ZNF503: variants seen among roughly 807,000 people sequenced by gnomAD.
ZNF503 encodes the protein NocA-like zinc finger 2.
ZNF503 carries 15 observed loss-of-function variants against 34.4 expected under a neutral mutation model. That is an observed-to-expected ratio of 0.44 (90% CI 0.29 to 0.67). The LOEUF is 0.67. Ranked by LOEUF, ZNF503 falls within the 30% of genes least tolerant of loss-of-function variation. ZNF503 has a pLI of 0.13. For synonymous variants in ZNF503, 580 were observed against 456.8 expected (o/e 1.27, Z -3.44); for missense variants, 1,007 against 926.8 (o/e 1.09, Z -1.12).
At chr10:75,318,159 A>G in the ZNF503 span, among the ~76,000 whole-genome samples, 1 of 152,214 alleles carries the variant, frequency 6.6e-6, no homozygotes, top group African/African-American at 2.4e-5. Context: ...CAATGTGTAC[A>G]TATATCAAAA....
At chr10:75,315,463 G>C in the ZNF503 span, among the ~76,000 whole-genome samples, 821 of 152,320 alleles carry the variant, frequency 5.4e-3, 10 homozygotes, top group African/African-American at 0.019. Context: ...ATAGGGGTTG[G>C]AAGTAAAGTG....
At chr10:75,361,243 T>C in the ZNF503 span, 1 of 152,220 alleles carries the variant, frequency 6.6e-6, no homozygotes, top group African/African-American at 2.4e-5. Flanking sequence ...CTCTTAGTGT[T>C]GTTTTAAAAT....
the ZNF503 span, among the ~76,000 whole-genome samples, chr10:75,379,082 A>G: frequency 8.5e-5 from 13 of 152,286 alleles, no homozygotes; most frequent in East Asian, 2.3e-3. Flanking sequence ...CGTTCCTATT[A>G]ATAAAGTCTG....
At chr10:75,372,097 A>T in the ZNF503 span, among the ~76,000 whole-genome samples, 4 of 152,090 alleles carry the variant, frequency 2.6e-5, no homozygotes, top group Admixed American at 6.5e-5. Flanking sequence ...CTGCCCAGCT[A>T]ATTTTTGTAG....
chr10:75,309,560 A>G, the ZNF503 span, among the ~76,000 whole-genome samples: 37 of 152,328 alleles, frequency 2.4e-4, no homozygotes, highest in African/African-American at 7.9e-4. Context: ...AACATTTTTT[A>G]GCAATAAAGT....
chr10:75,297,122 T>A, the ZNF503 span, among the ~76,000 whole-genome samples: 1 of 152,152 alleles, frequency 6.6e-6, no homozygotes, highest in African/African-American at 2.4e-5. Flanking sequence ...TGTGATTTTA[T>A]CTGTGTTTAT....
the ZNF503 span, among the ~76,000 whole-genome samples, chr10:75,285,021 C>T: frequency 6.6e-6 from 1 of 152,192 alleles, no homozygotes; most frequent in Admixed American, 6.5e-5. Context: ...AGTCCAATGA[C>T]CCATTACTAC....
the ZNF503 span, among the ~76,000 whole-genome samples, chr10:75,311,081 A>T: frequency 6.6e-6 from 1 of 152,206 alleles, no homozygotes; most frequent in African/African-American, 2.4e-5. Context: ...TCACACAATC[A>T]GAAGGTGAGA....
chr10:75,304,138 A>G, the ZNF503 span, among the ~76,000 whole-genome samples: 1 of 152,152 alleles, frequency 6.6e-6, no homozygotes, highest in African/African-American at 2.4e-5. Flanking sequence ...CTTTTGGCCA[A>G]AGCAACCTGA....
At chr10:75,315,364 C>G in the ZNF503 span, among the ~76,000 whole-genome samples, 2 of 151,778 alleles carry the variant, frequency 1.3e-5, no homozygotes, top group Non-Finnish European at 2.9e-5. Context: ...TGTCTCAAAA[C>G]AAAAATGAAA....
At chr10:75,362,256 G>A in the ZNF503 span, among the ~76,000 whole-genome samples, 1,797 of 152,258 alleles carry the variant, frequency 0.012, 45 homozygotes, top group African/African-American at 0.041. Context: ...GCTCTGGTTA[G>A]GGGTGGGGGA....
the ZNF503 span, among the ~76,000 whole-genome samples, chr10:75,350,718 T>C: frequency 4.5e-3 from 686 of 152,148 alleles, 2 homozygotes; most frequent in African/African-American, 0.016. Context: ...TGGCTGTTTT[T>C]TTTGTTTTTC....
chr10:75,397,446 C>T (rs558873432), downstream of ZNF503, among the ~76,000 whole-genome samples: 2 of 152,320 alleles, frequency 1.3e-5, no homozygotes, highest in East Asian at 3.9e-4. Flanking sequence ...CCGGCGAGTC[C>T]CGGCCTGCTC....
chr10:75,339,286 CTGTT>C, the ZNF503 span, among the ~76,000 whole-genome samples: 1 of 152,142 alleles, frequency 6.6e-6, no homozygotes, highest in African/African-American at 2.4e-5. Flanking sequence ...TCTTCTTGCT[CTGTT>C]TGGAGTAGGA....
chr10:75,315,120 G>A, the ZNF503 span, among the ~76,000 whole-genome samples: 2 of 152,204 alleles, frequency 1.3e-5, no homozygotes, highest in Non-Finnish European at 2.9e-5. Flanking sequence ...AGCACTTTGA[G>A]AAGTCAAGGC....
At chr10:75,345,013 TC>T in the ZNF503 span, among the ~76,000 whole-genome samples, 1 of 152,182 alleles carries the variant, frequency 6.6e-6, no homozygotes, top group Non-Finnish European at 1.5e-5. Flanking sequence ...CATTGATATA[TC>T]AGTGATGTTA....
chr10:75,312,575 T>C, the ZNF503 span, among the ~76,000 whole-genome samples: 1 of 152,032 alleles, frequency 6.6e-6, no homozygotes, highest in Non-Finnish European at 1.5e-5. Flanking sequence ...AAAGAAATAA[T>C]GGTGGAAACC....
the ZNF503 span, among the ~76,000 whole-genome samples, chr10:75,314,944 A>C: frequency 6.6e-6 from 1 of 152,256 alleles, no homozygotes; most frequent in East Asian, 1.9e-4. Flanking sequence ...ACATGAAAAC[A>C]TGAAAGTATA....
the ZNF503 span, among the ~76,000 whole-genome samples, chr10:75,311,215 G>C: frequency 6.6e-6 from 1 of 152,180 alleles, no homozygotes; most frequent in Non-Finnish European, 1.5e-5. Context: ...ATGTAGGCCA[G>C]AAGACTAAAC....
Sources: gnomAD v4.1 joint callset for allele counts (sites outside exome capture counted in the v4.1 genomes callset) on GRCh38, gnomAD v4.1.1 for gene constraint, MANE v1.5 for transcripts, NCBI Gene and HGNC (gene_info 2026-07-23, HGNC 2026-07-21) for gene names.